The following COP1 variants were observed in gnomAD, a reference collection of about 807,000 sequenced individuals.
The protein encoded by COP1 is E3 ubiquitin-protein ligase COP1.
A neutral mutation model predicts 101.3 loss-of-function variants in COP1; 24 were observed. The ratio of observed to expected loss-of-function variants is 0.24; its 90% confidence interval spans 0.17 to 0.33. The LOEUF (loss-of-function observed/expected upper bound fraction) is 0.33. Among genes scored for constraint, COP1 ranks in the 10% least tolerant of loss-of-function variants. The pLI is 1.00. For synonymous variants in COP1, 347 were observed against 341.9 expected, an observed-to-expected ratio of 1.01 and a Z score of -0.17; for missense variants, 663 against 906.2, an observed-to-expected ratio of 0.73 and a Z score of 3.45.
intron 9 of COP1, among the ~76,000 whole-genome samples, chr1:176,094,297 T>C (rs1681918266): frequency 6.6e-6 from 1 of 152,024 alleles, no homozygotes; most frequent in African/African-American, 2.4e-5. Context: ...TACAAGCAAC[T>C]AGGTTGCCTT....
intron 15 of COP1, among the ~76,000 whole-genome samples, chr1:176,006,255 A>T (rs1200925404): frequency 6.6e-6 from 1 of 151,892 alleles, no homozygotes; most frequent in Non-Finnish European, 1.5e-5. Context: ...TGCACGTGAG[A>T]TGGGTTTCCT....
intron 11 of COP1, among the ~76,000 whole-genome samples, chr1:176,065,443 G>A (rs565696912): frequency 3.3e-5 from 5 of 152,260 alleles, no homozygotes; most frequent in South Asian, 2.1e-4. Flanking sequence ...AAATATTTAT[G>A]TTATAAAACA....
intron 1 of COP1, chr1:176,206,217 C>G (rs895101731): frequency 3.5e-6 from 1 of 282,772 alleles, no homozygotes; most frequent in African/African-American, 2.3e-5. Flanking sequence ...TTCAATTCAT[C>G]AGAGAGGCAA....
chr1:176,133,819 C>A, intron 8 of COP1: 2 of 449,934 alleles, frequency 4.4e-6, no homozygotes, highest in Admixed American at 2.4e-5. Context: ...TGTGATGTGA[C>A]AACTTTTTCT....
In COP1 at chr1:176,091,778, A is replaced by C. The variant is rs181647636; in HGVS notation, c.1027-5888T>G. Among the ~76,000 whole-genome samples the C allele has an allele frequency of 2.0e-5, 3 of 152,244 alleles. No individual in the cohort carries two copies. The East Asian group carries it at 5.8e-4, about 29-fold the overall frequency. ...CAAAAACTGAGAAAAACAGAAGTATAATAAGTAAAACAGAATGAAATTATA... is the reference window on the plus strand; with the variant it reads ...CAAAAACTGAGAAAAACAGAAGTATCATAAGTAAAACAGAATGAAATTATA... On this transcript the variant is annotated intron_variant, in intron 9 of 19. Transcript: ENST00000367669.
rs192867709 is a variant in COP1 at position 176,055,436 on chromosome 1, A to C, written c.1278-9112T>G. ...GGCAACAAAAGTGAAACTCCATCTC[A>C]AAAAATAAACAAAACAAAACAAAAG... is the stretch of plus-strand genomic sequence containing the variant. On this transcript the variant is annotated intron_variant, in intron 11 of 19. Coordinates refer to ENST00000367669, the MANE Select transcript of COP1 (RefSeq NM_022457.7). 9.7e-4 allele frequency among the ~76,000 whole-genome samples: 148 copies of C among 152,338 alleles called. No individual in the cohort carries two copies. The Middle Eastern group carries it at 0.014, about 14-fold the overall frequency.
At chr1:176,178,338 C>G (rs1466481374) in intron 2 of COP1, among the ~76,000 whole-genome samples, 2 of 111,494 alleles carry the variant, frequency 1.8e-5, no homozygotes, top group Non-Finnish European at 4.1e-5. Context: ...TCTGTCTCTA[C>G]AAAAAAAAAA....
At chr1:176,195,034 C>G (rs1298475341) in intron 1 of COP1, among the ~76,000 whole-genome samples, 1 of 151,764 alleles carries the variant, frequency 6.6e-6, no homozygotes, top group African/African-American at 2.4e-5. Context: ...CTGCAGTGAG[C>G]TGTGATCACG....
At chr1:176,089,299 T>TAACAAC (rs143549335) in intron 9 of COP1, among the ~76,000 whole-genome samples, 101,425 of 150,372 alleles carry the variant, frequency 0.67, 34,369 homozygotes, top group East Asian at 0.88. Context: ...TCTAAAACAA[T>TAACAAC]AACAACAACA....
At chr1:176,077,947 G>A (rs1678360092) in intron 11 of COP1, among the ~76,000 whole-genome samples, 1 of 152,064 alleles carries the variant, frequency 6.6e-6, no homozygotes, top group African/African-American at 2.4e-5. Flanking sequence ...GCAAGGAGGT[G>A]AAAAATCTCT....
chr1:176,033,509 TC>T (rs749185328), intron 14 of COP1, among the ~76,000 whole-genome samples: 10 of 152,132 alleles, frequency 6.6e-5, no homozygotes, highest in Non-Finnish European at 1.3e-4. Context: ...TCTAAATTCT[TC>T]AAACTCACAT....
chr1:176,071,181 C>G (rs1173569974), intron 11 of COP1, among the ~76,000 whole-genome samples: 9 of 152,044 alleles, frequency 5.9e-5, no homozygotes, highest in Admixed American at 4.6e-4. Flanking sequence ...ATAGTGAATT[C>G]TCGCAAGATC....
intron 1 of COP1, among the ~76,000 whole-genome samples, chr1:176,191,143 A>G (rs771320166): frequency 7.2e-5 from 11 of 152,102 alleles, no homozygotes; most frequent in Non-Finnish European, 1.3e-4. Flanking sequence ...ATAATCTTAT[A>G]GAATATTACT....
At chr1:175,997,954 T>C (rs1660596924) in intron 15 of COP1, among the ~76,000 whole-genome samples, 1 of 151,296 alleles carries the variant, frequency 6.6e-6, no homozygotes, top group African/African-American at 2.4e-5. Flanking sequence ...GCACACATTA[T>C]GTTTATTGCG....
rs150248293 is a variant in COP1, at chr1:175,951,992, C to T, written c.2134-4753G>A. Among the ~76,000 whole-genome samples, 400 of 152,308 alleles carry T rather than the reference C, an allele frequency of 2.6e-3. 3 individuals carry two copies. The highest frequency in any genetic ancestry group is 9.2e-3 in the African/African-American group (382 of 41,556). On this transcript the variant is annotated intron_variant, in intron 18 of 19. Coordinates refer to ENST00000367669, the MANE Select transcript of COP1 (RefSeq NM_022457.7). Reference sequence around the variant, plus strand: ...ACCACATCAAGGCACACCACAGTTACACTGCTGAAGACAAGAAACAGAGAA... The same window carrying T: ...ACCACATCAAGGCACACCACAGTTATACTGCTGAAGACAAGAAACAGAGAA...
intron 11 of COP1, among the ~76,000 whole-genome samples, chr1:176,077,127 A>C (rs542741110): frequency 6.6e-6 from 1 of 152,144 alleles, no homozygotes; most frequent in Non-Finnish European, 1.5e-5. Flanking sequence ...TATTCTATGA[A>C]TCCAGCATCA....
intron 9 of COP1, among the ~76,000 whole-genome samples, chr1:176,091,917 TA>T (rs1259397792): frequency 6.6e-6 from 1 of 151,324 alleles, no homozygotes; most frequent in East Asian, 1.9e-4. Context: ...AGAGACAAAC[TA>T]AAAAATTAGA....
At chr1:176,048,969 G>A (rs1356986583) in intron 11 of COP1, among the ~76,000 whole-genome samples, 7 of 151,312 alleles carry the variant, frequency 4.6e-5, no homozygotes, top group East Asian at 1.9e-4. Flanking sequence ...TCAGGAGATC[G>A]AGACCATCCT....
intron 5 of COP1, chr1:176,160,166 T>C: frequency 3.8e-6 from 1 of 262,318 alleles, no homozygotes; most frequent in South Asian, 3.7e-5. Flanking sequence ...CAAAGACTAA[T>C]GCTGGCATAT....
Sources: gnomAD v4.1 joint callset for allele counts (sites outside exome capture counted in the v4.1 genomes callset) on GRCh38, gnomAD v4.1.1 for gene constraint, MANE v1.5 for transcripts, NCBI Gene and HGNC (gene_info 2026-07-23, HGNC 2026-07-21) for gene names.